The following ATP2B2 variants were observed in gnomAD, a reference collection of about 807,000 sequenced individuals.
The protein encoded by ATP2B2 is plasma membrane calcium-transporting ATPase 2.
ATP2B2 carries 15 observed loss-of-function variants against 120.0 expected under a neutral mutation model. The ratio of observed to expected loss-of-function variants is 0.12; its 90% CI spans 0.08 to 0.19. The LOEUF (loss-of-function observed/expected upper bound fraction) is 0.19. Among genes scored for constraint, ATP2B2 ranks in the 10% least tolerant of loss-of-function variants. The probability of loss-of-function intolerance (pLI) is 1.00; values close to 1 mark genes in which losing one functional copy is unlikely to be tolerated. For missense variants in ATP2B2, 1,045 were observed against 1,719.8 expected (o/e 0.61, Z 6.94); for synonymous variants, 694 against 700.3 (o/e 0.99, Z 0.14).
Position 10,528,804 on chromosome 3 carries a change from T to C in ATP2B2, c.-320+5235A>G, listed in dbSNP as rs141889211. 6.6e-3 allele frequency among the ~76,000 whole-genome samples: 999 copies of C among 152,336 alleles called. 2 individuals carry two copies. The highest frequency in any genetic ancestry group is 0.01 in the Middle Eastern group (3 of 294). On this transcript the variant is annotated intron_variant, in intron 3 of 21. Coordinates refer to the ATP2B2 transcript ENST00000646379. ...CTTCCCAGCCTTTTGCTTTTAAAAA[T>C]ACGGTTTAAGCAGGTGCGTTGGCTC...
chr3:10,693,254 A>G (rs1282449573), intron 1 of ATP2B2, among the ~76,000 whole-genome samples: 1 of 152,238 alleles, frequency 6.6e-6, no homozygotes, highest in Admixed American at 6.5e-5. Context: ...AGTCATGGAT[A>G]TTCAACGCAC....
chr3:10,686,523 G>A (rs772546775), intron 1 of ATP2B2, among the ~76,000 whole-genome samples: 14 of 152,016 alleles, frequency 9.2e-5, no homozygotes, highest in Non-Finnish European at 2.1e-4. Context: ...GCGTGGTGGT[G>A]GGTGCCTGTA....
At chr3:10,385,521 G>C (rs1407777233) in intron 7 of ATP2B2, among the ~76,000 whole-genome samples, 194 bp from the exon 8 acceptor site, 2 of 152,186 alleles carry the variant, frequency 1.3e-5, no homozygotes, top group African/African-American at 2.4e-5. Context: ...AGGTTGAGGG[G>C]AGAAACTCAG....
At chr3:10,367,545 G>A (rs1177487806) in intron 12 of ATP2B2, among the ~76,000 whole-genome samples, 1 of 152,176 alleles carries the variant, frequency 6.6e-6, no homozygotes, top group Non-Finnish European at 1.5e-5. Context: ...GCACCTGCCT[G>A]CTCTGTGTCA....
chr3:10,609,554 T>A (rs759090510), intron 2 of ATP2B2, among the ~76,000 whole-genome samples: 1 of 152,132 alleles, frequency 6.6e-6, no homozygotes, highest in Non-Finnish European at 1.5e-5. Flanking sequence ...CTTGCCAGTA[T>A]AGAAATGCCA....
At chr3:10,597,431 G>A (rs537207833) in intron 2 of ATP2B2, among the ~76,000 whole-genome samples, 13 of 152,210 alleles carry the variant, frequency 8.5e-5, no homozygotes, top group African/African-American at 3.1e-4. Context: ...GACTTCCATC[G>A]GCCCCTTCTA....
intron 2 of ATP2B2, among the ~76,000 whole-genome samples, chr3:10,423,554 A>G (rs1183594952): frequency 1.3e-5 from 2 of 152,216 alleles, no homozygotes; most frequent in East Asian, 3.8e-4. Context: ...CAGCATGCCC[A>G]GAGGTGATCT....
intron 2 of ATP2B2, among the ~76,000 whole-genome samples, chr3:10,585,451 G>A: frequency 7.8e-6 from 1 of 127,988 alleles, no homozygotes; most frequent in African/African-American, 3.1e-5. Context: ...CCAAGATCAT[G>A]CCACTGCACT....
intron 1 of ATP2B2, among the ~76,000 whole-genome samples, chr3:10,692,625 G>A (rs1405272909): frequency 6.6e-6 from 1 of 152,206 alleles, no homozygotes; most frequent in East Asian, 1.9e-4. Flanking sequence ...AGGAGTGGCA[G>A]CACCTTGTGG....
At chr3:10,673,298 G>A (rs1050553396) in intron 1 of ATP2B2, among the ~76,000 whole-genome samples, 4 of 152,112 alleles carry the variant, frequency 2.6e-5, no homozygotes, top group African/African-American at 4.8e-5. Flanking sequence ...CCAGGACATC[G>A]CTGCAACAGC....
At chr3:10,701,174 T>G (rs1339419786) in intron 1 of ATP2B2, among the ~76,000 whole-genome samples, 3 of 152,220 alleles carry the variant, frequency 2.0e-5, no homozygotes, top group African/African-American at 7.2e-5. Flanking sequence ...AGTAGAACTT[T>G]CCTGGCCTCA....
chr3:10,555,599 C>G (rs1207776023), intron 2 of ATP2B2, among the ~76,000 whole-genome samples: 1 of 152,230 alleles, frequency 6.6e-6, no homozygotes, highest in Non-Finnish European at 1.5e-5. Flanking sequence ...CAACACATCT[C>G]TGGCCCTGAC....
chr3:10,414,058 A>T (rs34912), intron 2 of ATP2B2, among the ~76,000 whole-genome samples: 66,364 of 151,976 alleles, frequency 0.44, 16,507 homozygotes, highest in East Asian at 0.72. Context: ...ATCCCAGGGG[A>T]TCTGAGGTCT....
intron 3 of ATP2B2, among the ~76,000 whole-genome samples, chr3:10,523,027 A>G (rs943838824): frequency 2.6e-5 from 4 of 152,372 alleles, no homozygotes; most frequent in Middle Eastern, 3.4e-3. Context: ...TTCAAAGTGA[A>G]GGTCACAGAT....
chr3:10,361,595 C>A (rs1377118002), intron 12 of ATP2B2, among the ~76,000 whole-genome samples: 3 of 152,250 alleles, frequency 2.0e-5, no homozygotes. Context: ...ATCTCCCCAG[C>A]ACCTGTCACT....
At position 10,395,083 on chromosome 3, in the gene ATP2B2, C is replaced by A. The variant is rs1273707656; in HGVS notation, c.781+5870G>T. ...CCCCAGCTGCAAATTGGGATAGGAC[C>A]AGGGTCCTCTAGGGATCATTGAATC... is the stretch of plus-strand genomic sequence containing the variant. On this transcript the variant is annotated intron_variant, in intron 5 of 22. Coordinates refer to ENST00000360273, the MANE Select transcript of ATP2B2 (RefSeq NM_001001331.4). Among the ~76,000 whole-genome samples the A allele has an allele frequency of 2.0e-5, 3 of 152,208 alleles. No homozygotes were observed. In the East Asian group the frequency reaches 5.8e-4, roughly 29 times the overall value.
chr3:10,629,006 G>A (rs1266877393), intron 1 of ATP2B2, among the ~76,000 whole-genome samples: 1 of 152,152 alleles, frequency 6.6e-6, no homozygotes, highest in Non-Finnish European at 1.5e-5. Context: ...CCGGCCAACG[G>A]CACCATAACT....
At position 10,446,074 on chromosome 3, in the gene ATP2B2, T is replaced by C. The variant is rs1024783900; in HGVS notation, c.199+3271A>G. On this transcript the variant is annotated intron_variant, in intron 2 of 22. Transcript: ENST00000360273. ...ATGGGGCTGAGTTCAAAGCCTGCTCTGACCTGAACTGTGGCAGTGACCTCG... is the reference window on the plus strand; with the variant it reads ...ATGGGGCTGAGTTCAAAGCCTGCTCCGACCTGAACTGTGGCAGTGACCTCG... Among the ~76,000 whole-genome samples the C allele has an allele frequency of 7.9e-5, 12 of 152,312 alleles. No individual in the cohort carries two copies. The South Asian group carries it at 2.5e-3, about 32-fold the overall frequency.
intron 3 of ATP2B2, among the ~76,000 whole-genome samples, chr3:10,517,507 CCTATAACA>C (rs2066900127): frequency 6.6e-6 from 1 of 152,220 alleles, no homozygotes; most frequent in South Asian, 2.1e-4. Context: ...TCCCCTTCAG[CCTATAACA>C]CTATGGACTC....
Sources: allele counts gnomAD v4.1 joint callset (sites outside exome capture counted in the v4.1 genomes callset), GRCh38; gene constraint gnomAD v4.1.1; transcripts MANE v1.5; gene names NCBI Gene and HGNC (gene_info 2026-07-23, HGNC 2026-07-21).